The following STARD3 variants were observed in gnomAD, a reference collection of about 807,000 sequenced individuals.
STARD3 encodes the protein StAR related lipid transfer domain containing 3, also known as stAR-related lipid transfer protein 3.
STARD3 carries 39 observed loss-of-function variants against 62.0 expected under a neutral mutation model. The ratio of observed to expected loss-of-function variants is 0.63; its 90% CI spans 0.49 to 0.82. STARD3 has a LOEUF of 0.82. STARD3 is among the 40% of genes least tolerant of loss of function. STARD3 has a pLI of 0.00. For missense variants in STARD3, 543 were observed against 584.5 expected, an observed-to-expected ratio of 0.93 and a Z score of 0.73; for synonymous variants, 229 against 242.4, an observed-to-expected ratio of 0.94 and a Z score of 0.51.
intron 1 of STARD3, among the ~76,000 whole-genome samples, chr17:39,647,235 C>G (rs370789106): frequency 2.5e-4 from 38 of 152,082 alleles, no homozygotes; most frequent in African/African-American, 8.7e-4. Context: ...CACTTTCCCC[C>G]CTACCTCCCA....
intron 3 of STARD3, among the ~76,000 whole-genome samples, 182 bp downstream of exon 3, chr17:39,657,267 T>C (rs2057140376): frequency 1.3e-5 from 2 of 152,176 alleles, no homozygotes; most frequent in South Asian, 4.1e-4. Flanking sequence ...GGCTCACGCC[T>C]GTAATCCTAG....
intron 14 of STARD3, 33 bp from the exon 15 acceptor site, chr17:39,662,771 C>G (rs1211127498): frequency 1.9e-6 from 3 of 1,579,124 alleles, no homozygotes; most frequent in Non-Finnish European, 2.6e-6. Flanking sequence ...GAGGGCAGGC[C>G]ATCAAGTGTG....
In STARD3 at chr17:39,662,892, TG is replaced by T; in HGVS notation, c.1327del (p.Ala443ProfsTer52). 6.2e-7 allele frequency: 1 copy of T among 1,611,990 alleles called. No homozygotes were observed. Among genetic ancestry groups the T allele is most frequent in the East Asian group, 2.2e-5 (1 of 44,624 alleles). On this transcript the variant is annotated frameshift_variant, in exon 15 of 15. Transcript: ENST00000336308. LOFTEE classifies it high-confidence loss of function. ...AFHLRQRISELGARA is the reference protein window; with the variant it reads ...AFHLRQRISEXGARA ...CACCTGCGACAGCGCATCAGCGAGC[TG>T]GGGGCCCGGGCGTGACTGTGCCCCC...
At chr17:39,653,879 G>T in intron 2 of STARD3, 129 bp downstream of exon 2, 1 of 1,007,158 alleles carries the variant, frequency 9.9e-7, no homozygotes, top group Non-Finnish European at 1.5e-6. Context: ...AGACTGGGAG[G>T]AACAACAGGG....
In STARD3 at chr17:39,664,065, A is replaced by G. The variant is rs1393778718; in HGVS notation, c.*1157A>G. ...CAGCAGAGCCAGCTTCTTCAGAGCCAGGTGGATCCTGTTTCGGTCCTGCCT... is the reference window on the plus strand; with the variant it reads ...CAGCAGAGCCAGCTTCTTCAGAGCCGGGTGGATCCTGTTTCGGTCCTGCCT... On this transcript the variant is annotated 3_prime_UTR_variant, in exon 15 of 15. Coordinates refer to ENST00000336308, the MANE Select transcript of STARD3 (RefSeq NM_006804.4). The G allele has an allele frequency of 6.6e-6, 1 of 152,258 alleles. No individual in the cohort carries two copies. The highest frequency in any genetic ancestry group is 2.4e-5 in the African/African-American group (1 of 41,444). The allele number at this position is 152,258 out of a possible 1,614,324, so 9.4% of individuals were successfully genotyped here.
chr17:39,643,056 C>T (rs1283423189), intron 1 of STARD3, among the ~76,000 whole-genome samples: 2 of 152,062 alleles, frequency 1.3e-5, no homozygotes, highest in Non-Finnish European at 2.9e-5. Context: ...AACAGGATCC[C>T]TGTGGCTGCT....
chr17:39,659,704 G>C, intron 9 of STARD3, 151 bp downstream of exon 9: 5 of 797,336 alleles, frequency 6.3e-6, no homozygotes, highest in East Asian at 2.7e-5. Context: ...TCGGCAGGAG[G>C]CTGGGCTGGA....
Position 39,648,178 on chromosome 17 carries a change from G to A in STARD3, c.-51-5303G>A, listed in dbSNP as rs145548486. ...TGGGCGCCTGTAGTCCCAGCTACTCGGGAGGCTGAGGCAGGAGAGAATCGC... is the reference window on the plus strand; with the variant it reads ...TGGGCGCCTGTAGTCCCAGCTACTCAGGAGGCTGAGGCAGGAGAGAATCGC... On this transcript the variant is annotated intron_variant, in intron 1 of 14. Coordinates refer to ENST00000336308, the MANE Select transcript of STARD3 (RefSeq NM_006804.4). 5.7e-3 allele frequency among the ~76,000 whole-genome samples: 864 copies of A among 152,300 alleles called. 20 individuals are homozygous for A. The East Asian group carries it at 0.06, about 11-fold the overall frequency.
At chr17:39,657,890 C>A in intron 4 of STARD3, 38 bp downstream of exon 4, 1 of 1,613,908 alleles carries the variant, frequency 6.2e-7, no homozygotes, top group Non-Finnish European at 8.5e-7. Context: ...TGGGCCCTGG[C>A]AGGGCTGGTG....
chr17:39,648,418 G>A (rs374121942), intron 1 of STARD3, among the ~76,000 whole-genome samples: 11 of 152,340 alleles, frequency 7.2e-5, no homozygotes, highest in African/African-American at 1.2e-4. Context: ...AGTGAGCCAT[G>A]TTCACGCCTC....
intron 2 of STARD3, among the ~76,000 whole-genome samples, chr17:39,656,633 G>A (rs1466464038): frequency 6.6e-6 from 1 of 151,930 alleles, no homozygotes; most frequent in Non-Finnish European, 1.5e-5. Context: ...ATGGAGCACC[G>A]CAGTGCTGGG....
chr17:39,659,844 G>A (rs1198211350), intron 9 of STARD3: 5 of 484,940 alleles, frequency 1.0e-5, no homozygotes, highest in African/African-American at 3.9e-5. Context: ...CCGTTGTTTC[G>A]TTTCATGATC....
intron 5 of STARD3, 120 bp downstream of exon 5, chr17:39,658,146 G>T: frequency 8.7e-7 from 1 of 1,143,612 alleles, no homozygotes; most frequent in Non-Finnish European, 1.3e-6. Flanking sequence ...GGGGGAGAGG[G>T]AATCCTGTCC....
chr17:39,662,010 C>G (rs921372630), intron 13 of STARD3, among the ~76,000 whole-genome samples: 1 of 152,002 alleles, frequency 6.6e-6, no homozygotes, highest in Admixed American at 6.6e-5. Context: ...TGGGGGTGTG[C>G]AAGCACCAAC....
intron 13 of STARD3, 177 bp downstream of exon 13, chr17:39,661,262 C>T (rs2057194824): frequency 4.8e-6 from 3 of 627,210 alleles, no homozygotes; most frequent in Non-Finnish European, 8.4e-6. Flanking sequence ...GCTGCTCTGT[C>T]TGTGGAGATG....
At chr17:39,654,450 G>C (rs776064809) in intron 2 of STARD3, among the ~76,000 whole-genome samples, 4 of 152,204 alleles carry the variant, frequency 2.6e-5, no homozygotes, top group South Asian at 4.1e-4. Context: ...AGCAAAACAG[G>C]AAAAACTCCC....
At chr17:39,643,479 C>T (rs2056998348) in intron 1 of STARD3, among the ~76,000 whole-genome samples, 1 of 152,152 alleles carries the variant, frequency 6.6e-6, no homozygotes, top group African/African-American at 2.4e-5. Context: ...ATGGTGTCTG[C>T]ATGGTGCCAC....
In STARD3 at chr17:39,641,925, C is replaced by G. The variant is rs1355871550; in HGVS notation, c.-52+4694C>G. 2.6e-5 allele frequency among the ~76,000 whole-genome samples: 4 copies of G among 152,286 alleles called. No homozygotes were observed. In the East Asian group the frequency reaches 7.7e-4, roughly 29 times the overall value. ...GTGACTGTGACTTGGACCTCAAGGGCTTGGGACAGATGGCCTCGAGACATC... is the reference window on the plus strand; with the variant it reads ...GTGACTGTGACTTGGACCTCAAGGGGTTGGGACAGATGGCCTCGAGACATC... On this transcript the variant is annotated intron_variant, in intron 1 of 14. Coordinates refer to ENST00000336308, the MANE Select transcript of STARD3 (RefSeq NM_006804.4).
In STARD3 at chr17:39,660,669, G is replaced by A; in HGVS notation, c.955-141G>A. The A allele has an allele frequency of 2.3e-6, 3 of 1,332,244 alleles. No homozygotes were observed. The highest frequency in any genetic ancestry group is 3.2e-6 in the Non-Finnish European group (3 of 947,526). The allele number at this position is 1,332,244 out of a possible 1,614,324, so 82.5% of individuals were successfully genotyped here. A position where few individuals can be genotyped will look rare whatever the true frequency, so the allele number is the denominator to read the frequency against. On this transcript the variant is annotated intron_variant, in intron 11 of 14. Transcript: ENST00000336308. This position sits in a 1 kb window ranked among gnomAD's most constrained non-coding sequence, Gnocchi z 4.8. ...CAGTGCCTGCTCGGGAGGGTCGGGA[G>A]GAGGGCAGGAGGAGTGCTCATCAGG...
Sources: gnomAD v4.1 joint callset for allele counts (sites outside exome capture counted in the v4.1 genomes callset) on GRCh38, gnomAD v4.1.1 for gene constraint, Gnocchi (gnomAD v3.1) non-coding constraint, MANE v1.5 for transcripts, NCBI Gene and HGNC (gene_info 2026-07-23, HGNC 2026-07-21) for gene names.